Variants in MAD1L1 observed in about 807,000 individuals in gnomAD.
The protein encoded by MAD1L1 is mitotic arrest deficient 1 like 1.
A neutral mutation model predicts 96.9 loss-of-function variants in MAD1L1; 95 were observed. That is an observed-to-expected ratio of 0.98 (90% confidence interval 0.83 to 1.16). The LOEUF is 1.16. MAD1L1 is among the 50% of genes most tolerant of loss of function. The probability of loss-of-function intolerance (pLI) is 0.00; values close to 1 mark genes in which losing one functional copy is unlikely to be tolerated. For missense variants in MAD1L1, 1,007 were observed against 954.4 expected (o/e 1.06, Z -0.73); for synonymous variants, 473 against 396.6 (o/e 1.19, Z -2.29).
intron 6 of MAD1L1, among the ~76,000 whole-genome samples, chr7:2,218,801 G>A (rs1165963023): frequency 6.6e-6 from 1 of 152,100 alleles, no homozygotes; most frequent in Non-Finnish European, 1.5e-5. Flanking sequence ...TCAGGAGGCC[G>A]AGGCAGGAGA....
chr7:2,223,458 T>A (rs979994630), intron 4 of MAD1L1: 1 of 151,982 alleles, frequency 6.6e-6, no homozygotes, highest in East Asian at 1.9e-4. Flanking sequence ...AGGCGGTGAG[T>A]CCTGGTGGAG....
chr7:1,948,134 C>T (rs945724041), intron 16 of MAD1L1, among the ~76,000 whole-genome samples: 1 of 152,148 alleles, frequency 6.6e-6, no homozygotes, highest in East Asian at 1.9e-4. Context: ...GGGGCACCTG[C>T]AGGGGGCGAG....
At chr7:2,043,643 G>C (rs1024502481) in intron 12 of MAD1L1, among the ~76,000 whole-genome samples, 25 of 152,322 alleles carry the variant, frequency 1.6e-4, no homozygotes, top group African/African-American at 5.3e-4. Context: ...GGAGGGCCTG[G>C]GGGGGCTGGG....
intron 17 of MAD1L1, among the ~76,000 whole-genome samples, chr7:1,922,339 T>C (rs1331670472): frequency 6.6e-6 from 1 of 152,230 alleles, no homozygotes; most frequent in African/African-American, 2.4e-5. Context: ...CGGCGTGCTG[T>C]GGTGTTAGTG....
Position 2,222,623 on chromosome 7 carries a change from G to C in MAD1L1, c.423C>G (p.Ala141=). Reference sequence around the variant, plus strand: ...CCTCTTTCTCACGCAGCCTCTTGCTGGCAGCATCCAAGTTCTGCTGACACT... The same window carrying C: ...CCTCTTTCTCACGCAGCCTCTTGCTCGCAGCATCCAAGTTCTGCTGACACT... ...NRQCQQNLDA[A]SKRLREKEDS... is the part of the protein sequence containing the mutation. The change falls in exon 5 of 19, where the codon GCC becomes GCG. Residue 141 remains alanine, a synonymous_variant. Coordinates refer to ENST00000265854, the MANE Select transcript of MAD1L1 (RefSeq NM_001013836.2). 3 of 1,613,058 alleles carry C rather than the reference G, an allele frequency of 1.9e-6. No homozygotes were observed. The highest frequency in any genetic ancestry group is 2.5e-6 in the Non-Finnish European group (3 of 1,179,700).
intron 11 of MAD1L1, among the ~76,000 whole-genome samples, chr7:2,075,793 C>T (rs1785346158): frequency 1.3e-5 from 2 of 152,230 alleles, no homozygotes; most frequent in South Asian, 4.1e-4. Context: ...TAACGACCTT[C>T]CTCAAGACAC....
intron 12 of MAD1L1, among the ~76,000 whole-genome samples, chr7:2,045,342 GTC>G (rs1454964638): frequency 6.6e-6 from 1 of 152,112 alleles, no homozygotes; most frequent in Admixed American, 6.5e-5. Flanking sequence ...CCCTGTGAGA[GTC>G]TCTGTGTCCC....
At chr7:1,902,576 C>T (rs552943569) in intron 17 of MAD1L1, among the ~76,000 whole-genome samples, 1 of 152,368 alleles carries the variant, frequency 6.6e-6, no homozygotes, top group South Asian at 2.1e-4. Flanking sequence ...CTTAGGAGTG[C>T]AGCCCCAGGG....
At chr7:1,983,144 G>C (rs1174424134) in intron 14 of MAD1L1, among the ~76,000 whole-genome samples, 1 of 48,136 alleles carries the variant, frequency 2.1e-5, no homozygotes, top group African/African-American at 1.0e-4. Context: ...GCGCGCGCGC[G>C]CGCGCGCGCG....
At chr7:2,207,568 G>A (rs1384163713) in intron 10 of MAD1L1, among the ~76,000 whole-genome samples, 2 of 152,188 alleles carry the variant, frequency 1.3e-5, no homozygotes, top group Non-Finnish European at 2.9e-5. Context: ...GCTCCTGGAG[G>A]GTGGTGTGCC....
chr7:2,175,259 A>G (rs908154820), intron 10 of MAD1L1: 4 of 152,220 alleles, frequency 2.6e-5, no homozygotes, highest in African/African-American at 9.7e-5. Context: ...CAGCCGGCTC[A>G]CAACACACTC....
At chr7:2,027,027 T>C (rs957120597) in intron 12 of MAD1L1, among the ~76,000 whole-genome samples, 1 of 151,850 alleles carries the variant, frequency 6.6e-6, no homozygotes, top group Non-Finnish European at 1.5e-5. Flanking sequence ...ATAACAATAT[T>C]GAAAAAGACA....
intron 11 of MAD1L1, among the ~76,000 whole-genome samples, chr7:2,116,445 GC>G (rs994997251): frequency 7.2e-5 from 11 of 151,900 alleles, no homozygotes; most frequent in African/African-American, 2.7e-4. Context: ...GGACTGGGGA[GC>G]CCCCAGAGAG....
intron 18 of MAD1L1, among the ~76,000 whole-genome samples, chr7:1,857,007 G>A (rs969859185): frequency 6.6e-6 from 1 of 151,040 alleles, no homozygotes; most frequent in Non-Finnish European, 1.5e-5. Flanking sequence ...TGCTGGTCAC[G>A]CCTCCTGCCA....
chr7:1,939,176 G>A (rs1306083916), intron 16 of MAD1L1, among the ~76,000 whole-genome samples: 1 of 105,036 alleles, frequency 9.5e-6, no homozygotes, highest in Non-Finnish European at 1.8e-5. Flanking sequence ...TACGGGCCAG[G>A]GCCAGGACCA....
intron 11 of MAD1L1, among the ~76,000 whole-genome samples, chr7:2,085,693 G>A (rs1584283786): frequency 6.6e-6 from 1 of 152,294 alleles, no homozygotes; most frequent in South Asian, 2.1e-4. Context: ...CTCGCTGGGT[G>A]GACAGCCGTG....
intron 18 of MAD1L1, chr7:1,874,387 C>T (rs1212707236): frequency 5.2e-6 from 2 of 383,550 alleles, no homozygotes; most frequent in Non-Finnish European, 1.0e-5. Context: ...TGCAGCAGCA[C>T]CGGGACGGGG....
chr7:2,111,268 G>C (rs747726141), intron 11 of MAD1L1, among the ~76,000 whole-genome samples: 4 of 152,196 alleles, frequency 2.6e-5, no homozygotes, highest in Non-Finnish European at 4.4e-5. Context: ...CCAGGCCTCA[G>C]AGCCCGCAGG....
chr7:2,204,549 A>G (rs1562369164), intron 10 of MAD1L1, among the ~76,000 whole-genome samples: 1 of 152,208 alleles, frequency 6.6e-6, no homozygotes, highest in Non-Finnish European at 1.5e-5. Context: ...GTTCAAATCA[A>G]TGGGATGGTA....
Sources: allele counts gnomAD v4.1 joint callset (sites outside exome capture counted in the v4.1 genomes callset), GRCh38; gene constraint gnomAD v4.1.1; transcripts MANE v1.5; gene names NCBI Gene and HGNC (gene_info 2026-07-23, HGNC 2026-07-21).